Variants in CFAP299 observed in about 807,000 individuals in gnomAD.
CFAP299 encodes the protein cilia and flagella associated protein 299.
CFAP299 carries 21 observed loss-of-function variants against 27.0 expected under a neutral mutation model. That is an observed-to-expected ratio of 0.78 (90% CI 0.55 to 1.12). CFAP299 has a LOEUF of 1.12. CFAP299 is among the 50% of genes most tolerant of loss of function. The pLI is 0.00. For synonymous variants in CFAP299, 104 were observed against 98.1 expected (o/e 1.06, Z -0.36); for missense variants, 310 against 276.6 (o/e 1.12, Z -0.86).
At chr4:80,591,099 T>C (rs539161378) in intron 3 of CFAP299, among the ~76,000 whole-genome samples, 9 of 142,892 alleles carry the variant, frequency 6.3e-5, no homozygotes, top group African/African-American at 1.3e-4. Context: ...TATAATACTT[T>C]AGGAAATTTT....
chr4:80,462,745 C>G (rs996568219), intron 2 of CFAP299, among the ~76,000 whole-genome samples: 1 of 152,184 alleles, frequency 6.6e-6, no homozygotes, highest in African/African-American at 2.4e-5. Context: ...GATGGGTGAT[C>G]TGGAGATGCT....
chr4:80,584,563 G>T (rs1272955375), intron 3 of CFAP299, among the ~76,000 whole-genome samples: 3 of 151,904 alleles, frequency 2.0e-5, no homozygotes, highest in Admixed American at 2.0e-4. Flanking sequence ...TCCTTCCTTG[G>T]TGTCTGTGAT....
intron 4 of CFAP299, among the ~76,000 whole-genome samples, chr4:80,919,721 C>A (rs1476018985): frequency 1.3e-5 from 2 of 152,080 alleles, no homozygotes; most frequent in African/African-American, 2.4e-5. Flanking sequence ...AAATGAAATA[C>A]ATTAAGTGTA....
At chr4:80,748,449 G>T in intron 3 of CFAP299, among the ~76,000 whole-genome samples, 1 of 152,038 alleles carries the variant, frequency 6.6e-6, no homozygotes, top group Non-Finnish European at 1.5e-5. Flanking sequence ...AGTCCTTGCA[G>T]ATTTCTCTAG....
intron 2 of CFAP299, among the ~76,000 whole-genome samples, chr4:80,433,749 A>C (rs1727933013): frequency 6.6e-6 from 1 of 152,172 alleles, no homozygotes; most frequent in African/African-American, 2.4e-5. Flanking sequence ...TCTTTCAAGC[A>C]CGTTAAAAAG....
At chr4:80,848,481 T>A (rs1731307172) in intron 3 of CFAP299, among the ~76,000 whole-genome samples, 1 of 152,160 alleles carries the variant, frequency 6.6e-6, no homozygotes, top group African/African-American at 2.4e-5. Context: ...GGTAAGTATT[T>A]GTGTATCTAA....
At chr4:80,719,643 T>C (rs1453182231) in intron 3 of CFAP299, among the ~76,000 whole-genome samples, 4 of 152,220 alleles carry the variant, frequency 2.6e-5, no homozygotes, top group African/African-American at 9.6e-5. Flanking sequence ...AGTTGCAGTT[T>C]TCCTGCCTAG....
At chr4:80,674,353 A>C (rs559757588) in intron 3 of CFAP299, among the ~76,000 whole-genome samples, 1 of 151,864 alleles carries the variant, frequency 6.6e-6, no homozygotes, top group South Asian at 2.1e-4. Context: ...ATTGGCCCCC[A>C]CTCTCTTCTG....
At chr4:80,397,233 T>A (rs2110044158) in intron 2 of CFAP299, among the ~76,000 whole-genome samples, 1 of 152,332 alleles carries the variant, frequency 6.6e-6, no homozygotes, top group East Asian at 1.9e-4. Flanking sequence ...AATATCCCCT[T>A]TATCATTTTT....
intron 1 of CFAP299, among the ~76,000 whole-genome samples, chr4:80,337,886 T>C (rs141738551): frequency 1.1e-4 from 16 of 152,316 alleles, no homozygotes; most frequent in African/African-American, 3.6e-4. Flanking sequence ...TACATATATA[T>C]GTATATATTT....
chr4:80,477,141 C>T (rs1043233461), intron 2 of CFAP299, among the ~76,000 whole-genome samples: 2 of 152,060 alleles, frequency 1.3e-5, no homozygotes, highest in Non-Finnish European at 2.9e-5. Context: ...TGCAGCCTTG[C>T]AGCCTCAACC....
chr4:80,768,338 C>G (rs968528559), intron 3 of CFAP299, among the ~76,000 whole-genome samples: 2 of 151,914 alleles, frequency 1.3e-5, no homozygotes, highest in Non-Finnish European at 1.5e-5. Flanking sequence ...ACCCTAAAGT[C>G]AAAGAGACAG....
At chr4:80,790,429 C>T (rs924099213) in intron 3 of CFAP299, 1 of 151,988 alleles carries the variant, frequency 6.6e-6, no homozygotes, top group Non-Finnish European at 1.5e-5. Flanking sequence ...GACCTCCCCA[C>T]CTAAATTCAT....
chr4:80,500,489 A>G (rs978032693), intron 2 of CFAP299, among the ~76,000 whole-genome samples: 1 of 152,148 alleles, frequency 6.6e-6, no homozygotes, highest in Admixed American at 6.6e-5. Flanking sequence ...TGTTAATAAA[A>G]TTAGGCTATA....
At chr4:80,899,523 A>C (rs539348086) in intron 4 of CFAP299, among the ~76,000 whole-genome samples, 125 of 152,182 alleles carry the variant, frequency 8.2e-4, no homozygotes, top group Non-Finnish European at 1.6e-3. Context: ...AGAGAAAAAA[A>C]GTCTTTCAAT....
chr4:80,322,150 T>G, the CFAP299 span, among the ~76,000 whole-genome samples: 1 of 152,252 alleles, frequency 6.6e-6, no homozygotes, highest in Admixed American at 6.5e-5. Context: ...CCCTCGGTTC[T>G]GTCCTTGAAA....
At chr4:80,517,197 A>C (rs572007086) in intron 2 of CFAP299, among the ~76,000 whole-genome samples, 9 of 152,324 alleles carry the variant, frequency 5.9e-5, no homozygotes, top group African/African-American at 2.2e-4. Context: ...AATGTTCAGC[A>C]GCACTTTCTA....
chr4:80,381,008 C>T (rs1674364723), intron 2 of CFAP299, among the ~76,000 whole-genome samples: 2 of 152,068 alleles, frequency 1.3e-5, no homozygotes, highest in African/African-American at 4.8e-5. Flanking sequence ...TCCCAAATGA[C>T]ATTTCTCTCA....
At chr4:80,641,724 G>T (rs951781441) in intron 3 of CFAP299, among the ~76,000 whole-genome samples, 3 of 152,186 alleles carry the variant, frequency 2.0e-5, no homozygotes, top group South Asian at 2.1e-4. Flanking sequence ...GACTACACGG[G>T]ACATCACATG....
Sources: gnomAD v4.1 joint callset for allele counts (sites outside exome capture counted in the v4.1 genomes callset) on GRCh38, gnomAD v4.1.1 for gene constraint, MANE v1.5 for transcripts, NCBI Gene and HGNC (gene_info 2026-07-23, HGNC 2026-07-21) for gene names.